The following PKD1 variants were observed in gnomAD, a reference collection of about 807,000 sequenced individuals.
PKD1 encodes polycystin 1, transient receptor potential channel interacting.
Under a neutral mutation model 361.7 loss-of-function variants are expected in PKD1, and 81 were observed. The observed-to-expected ratio is 0.22, with a 90% CI of 0.19 to 0.27. The LOEUF (loss-of-function observed/expected upper bound fraction) is 0.27. Ranked by LOEUF, PKD1 falls within the 10% of genes least tolerant of loss-of-function variation. The pLI, the probability that PKD1 is intolerant of heterozygous loss-of-function variation, is 1.00. For synonymous variants in PKD1, 3,615 were observed against 2,818.3 expected, an observed-to-expected ratio of 1.28 and a Z score of -8.95; for missense variants, 6,399 against 6,118.3, an observed-to-expected ratio of 1.05 and a Z score of -1.53.
chr16:2,124,293 G>A (rs911428280), intron 1 of PKD1, among the ~76,000 whole-genome samples: 13 of 152,214 alleles, frequency 8.5e-5, no homozygotes, highest in South Asian at 2.1e-4. Flanking sequence ...CCACCCGGGC[G>A]TGTGAACCCC....
At chr16:2,112,679 G>A (rs978649968) in intron 13 of PKD1, 109 bp downstream of exon 13, 1 of 1,274,910 alleles carries the variant, frequency 7.8e-7, no homozygotes, top group Non-Finnish European at 1.1e-6. Flanking sequence ...AACAGACAGG[G>A]AAACCGAGGC....
rs1361008447 is a variant in PKD1, at chr16:2,114,558, G to A, written c.2465C>T (p.Ala822Val). Residue 822 changes from alanine to valine, a missense_variant, in exon 11 of 46, where the codon GCT becomes GTT. Coordinates refer to ENST00000262304, the MANE Select transcript of PKD1 (RefSeq NM_001009944.3). ...SCSFDVVSPV[A>V]GLRVIYPAPR... is the part of the protein sequence containing the mutation. ...GGCAGGGTAGATGACCCGCAGCCCA[G>A]CCACTGGGGAGACCACGTCAAAGCT... 3 of 1,594,564 alleles carry A rather than the reference G, an allele frequency of 1.9e-6. No individual in the cohort carries two copies. Among genetic ancestry groups the A allele is most frequent in the South Asian group, 1.1e-5 (1 of 90,792 alleles).
chr16:2,112,174 C>G (rs2515684), intron 14 of PKD1, among the ~76,000 whole-genome samples, 166 bp downstream of exon 14: 7 of 152,224 alleles, frequency 4.6e-5, no homozygotes, highest in Non-Finnish European at 1.5e-5. Flanking sequence ...CCACTCCCCC[C>G]ACGCCTGGCC....
intron 1 of PKD1, among the ~76,000 whole-genome samples, chr16:2,133,799 G>T (rs2092917012): frequency 6.6e-6 from 1 of 151,510 alleles, no homozygotes; most frequent in African/African-American, 2.4e-5. Flanking sequence ...GCCAGCTCAG[G>T]CTGGGACAGG....
chr16:2,119,581 G>C (rs1293860849), intron 1 of PKD1, among the ~76,000 whole-genome samples: 1 of 152,210 alleles, frequency 6.6e-6, no homozygotes, highest in African/African-American at 2.4e-5. Flanking sequence ...GAGAGGCCTG[G>C]GGGCCTCAGC....
chr16:2,109,621 C>G lies in PKD1; in HGVS notation c.5546G>C (p.Gly1849Ala). The stretch of plus-strand genomic sequence containing the variant: ...CGGGAAGACCATGGTGACATGAGGG[C>G]CACGCTTGCTGCTGCCGCCGGGCAC... ...WAVPGGSSKR[G>A]PHVTMVFPDA... Residue 1849 changes from glycine to alanine, a missense_variant, in exon 15 of 46, where the codon GGC (glycine) becomes GCC (alanine). Coordinates refer to ENST00000262304, the MANE Select transcript of PKD1 (RefSeq NM_001009944.3). The G allele has an allele frequency of 6.2e-7, 1 of 1,608,222 alleles. No homozygotes were observed. The highest frequency in any genetic ancestry group is 8.5e-7 in the Non-Finnish European group (1 of 1,178,106).
chr16:2,113,278 C>T lies in PKD1; in HGVS notation c.2868G>A (p.Val956=). The T allele has an allele frequency of 6.3e-7, 1 of 1,594,034 alleles. No individual in the cohort carries two copies. Among genetic ancestry groups the T allele is most frequent in the East Asian group, 2.2e-5 (1 of 44,852 alleles). The part of the protein sequence containing the change: ...LQGVLVRYSP[V]VEAGSDMVFR... ...AGACCATGTCCGAGCCGGCCTCCAC[C>T]ACGGGGCTGTACCTCTGCGGGGGGA... is the stretch of plus-strand genomic sequence containing the variant. The change falls in exon 12 of 46, where the codon GTG becomes GTA. Residue 956 remains valine (V), a synonymous_variant. Coordinates refer to ENST00000262304, the MANE Select transcript of PKD1 (RefSeq NM_001009944.3).
intron 1 of PKD1, among the ~76,000 whole-genome samples, chr16:2,123,020 G>C (rs980862824): frequency 5.3e-5 from 8 of 152,326 alleles, no homozygotes; most frequent in African/African-American, 1.7e-4. Context: ...TGACAAGCCA[G>C]GGCAGGGGTG....
At chr16:2,135,250 C>T (rs1350400145) in intron 1 of PKD1, 1 of 985,240 alleles carries the variant, frequency 1.0e-6, no homozygotes. Context: ...TCTGCAGAGC[C>T]CCCGGGTGGG....
chr16:2,100,017 C>G lies in PKD1; in HGVS notation c.9767G>C (p.Gly3256Ala). 6.4e-7 allele frequency: 1 copy of G among 1,574,354 alleles called. No individual in the cohort carries two copies. The highest frequency in any genetic ancestry group is 8.6e-7 in the Non-Finnish European group (1 of 1,161,576). ...GAGCCAGATGTGCTTGTCAAAGAAG[C>G]CACGCTGCAGCTCAGCCACCAGCAG... is the stretch of plus-strand genomic sequence containing the variant. ...RRLLVAELQR[G>A]FFDKHIWLSI... The change falls in exon 29 of 46, where the codon GGC (glycine) becomes GCC (alanine). Residue 3256 changes from glycine to alanine, a missense_variant. Physicochemically the swap from Gly to Ala is moderately conservative, Grantham distance 60. Transcript: ENST00000262304. This position sits in a 1 kb window ranked among gnomAD's most constrained non-coding sequence, Gnocchi z 4.4.
intron 34 of PKD1, chr16:2,096,817 A>G: frequency 2.6e-6 from 1 of 383,490 alleles, no homozygotes; most frequent in African/African-American, 2.1e-5. Context: ...GCGCCCGGCC[A>G]AAAATGGGGT....
rs765611740 is a variant in PKD1, at chr16:2,090,298, C to T, written c.12431G>A (p.Ser4144Asn). 1.9e-6 allele frequency: 3 copies of T among 1,610,198 alleles called. No individual in the cohort carries two copies. The highest frequency in any genetic ancestry group is 2.2e-5 in the East Asian group (1 of 44,822). ...LRRLRLWMGL[S>N]KVKEFRHKVR... ...GGCCGTACCCACCTCCTTGACCTTG[C>T]TGAGGCCCATCCAGAGGCGCAGCCT... The change falls in exon 45 of 46, where the codon AGC becomes AAC. Residue 4144 changes from serine (S) to asparagine (N), a missense_variant. Transcript: ENST00000262304.
intron 30 of PKD1, 90 bp from the exon 31 acceptor site, chr16:2,098,074 G>C: frequency 1.4e-6 from 1 of 709,262 alleles, no homozygotes; most frequent in Admixed American, 2.0e-5. Context: ...ACAGGACAGA[G>C]CCCGGTGCCA....
chr16:2,115,722 G>A, intron 9 of PKD1, 97 bp from the exon 10 acceptor site: 2 of 1,231,404 alleles, frequency 1.6e-6, no homozygotes, highest in Admixed American at 2.0e-5. Context: ...CTTGCTGTGA[G>A]GACAGGTCTC....
intron 13 of PKD1, 133 bp downstream of exon 13, chr16:2,112,655 C>T: frequency 8.8e-7 from 1 of 1,134,046 alleles, no homozygotes; most frequent in Non-Finnish European, 1.3e-6. Context: ...CTCCTGTGCA[C>T]CCAGTTACCT....
In PKD1 at chr16:2,105,357, T is replaced by C. The variant is rs2092302090; in HGVS notation, c.7981A>G (p.Ile2661Val). Residue 2661 changes from isoleucine (I) to valine (V), a missense_variant, in exon 21 of 46, where the codon ATC becomes GTC. Coordinates refer to ENST00000262304, the MANE Select transcript of PKD1 (RefSeq NM_001009944.3). The stretch of plus-strand genomic sequence containing the variant: ...GCCAGCGCAGCAGCGATCTGCTGGA[T>C]GTCATCCACAGTGTGGACCCTCAGG... ...VSLRVHTVDD[I>V]QQIAAALAQC... The C allele has an allele frequency of 6.3e-7, 1 of 1,592,584 alleles. No individual in the cohort carries two copies. The highest frequency in any genetic ancestry group is 1.7e-5 in the Admixed American group (1 of 59,950).
intron 20 of PKD1, 114 bp downstream of exon 20, chr16:2,105,751 G>A (rs984837074): frequency 7.4e-7 from 1 of 1,347,494 alleles, no homozygotes; most frequent in Non-Finnish European, 1.0e-6. Context: ...GGGTCACTGG[G>A]ATTTATCTCT....
rs901427654 is a variant in PKD1, at chr16:2,100,708, C to G, written c.9398-142G>C. ...CGGCTTTGCACGGCTCTGCCATACA[C>G]AAGGAGCTGCGGTTACTGCAATTTG... On this transcript the variant is annotated intron_variant, in intron 26 of 45. Transcript: ENST00000262304. This position sits in a 1 kb window ranked among gnomAD's most constrained non-coding sequence, Gnocchi z 4.4. 4.1e-5 allele frequency: 28 copies of G among 680,188 alleles called. No individual in the cohort carries two copies. In the Middle Eastern group the frequency reaches 1.2e-3, roughly 30 times the overall value. The allele number at this position is 680,188 out of a possible 1,614,324, so 42.1% of individuals were successfully genotyped here.
intron 1 of PKD1, among the ~76,000 whole-genome samples, chr16:2,125,068 C>T (rs1354279550): frequency 1.3e-5 from 2 of 152,240 alleles, no homozygotes; most frequent in African/African-American, 2.4e-5. Context: ...GCCCCTTCCT[C>T]GCTGGGCCAG....
Sources: allele counts gnomAD v4.1 joint callset (sites outside exome capture counted in the v4.1 genomes callset), GRCh38; gene constraint gnomAD v4.1.1; non-coding constraint Gnocchi (gnomAD v3.1); transcripts MANE v1.5; gene names NCBI Gene and HGNC (gene_info 2026-07-23, HGNC 2026-07-21).